The following MACROD2 variants were observed in gnomAD, a reference collection of about 807,000 sequenced individuals.
MACROD2 encodes the protein mono-ADP ribosylhydrolase 2, also known as ADP-ribose glycohydrolase MACROD2.
Under a neutral mutation model 70.4 loss-of-function variants are expected in MACROD2, and 36 were observed. The ratio of observed to expected loss-of-function variants is 0.51; its 90% CI spans 0.39 to 0.68. MACROD2 has a LOEUF of 0.68. Among genes scored for constraint, MACROD2 ranks in the 30% least tolerant of loss-of-function variants. The pLI, the probability that MACROD2 is intolerant of heterozygous loss-of-function variation, is 0.00. For missense variants in MACROD2, 496 were observed against 538.4 expected (o/e 0.92, Z 0.78); for synonymous variants, 172 against 178.8 (o/e 0.96, Z 0.30).
At chr20:15,385,785 G>C (rs781157543) in intron 6 of MACROD2, among the ~76,000 whole-genome samples, 1 of 152,030 alleles carries the variant, frequency 6.6e-6, no homozygotes, top group African/African-American at 2.4e-5. Flanking sequence ...AGCCAACTTC[G>C]TTCTGAATCT....
At chr20:15,916,903 G>C (rs888469410) in intron 10 of MACROD2, among the ~76,000 whole-genome samples, 1 of 152,148 alleles carries the variant, frequency 6.6e-6, no homozygotes, top group Admixed American at 6.5e-5. Context: ...CCCAAAACAG[G>C]GGTCAGTACA....
intron 8 of MACROD2, among the ~76,000 whole-genome samples, chr20:15,568,403 G>T (rs2048336053): frequency 6.6e-6 from 1 of 152,164 alleles, no homozygotes; most frequent in Non-Finnish European, 1.5e-5. Flanking sequence ...TCAGTGACTA[G>T]ACACACAGAG....
chr20:14,892,239 A>G (rs758268712), intron 5 of MACROD2, among the ~76,000 whole-genome samples: 17 of 152,146 alleles, frequency 1.1e-4, no homozygotes, highest in Non-Finnish European at 2.2e-4. Context: ...TGGGAGGCCG[A>G]GGCAGATGGA....
At chr20:15,032,693 A>G (rs1359120056) in intron 5 of MACROD2, among the ~76,000 whole-genome samples, 1 of 152,244 alleles carries the variant, frequency 6.6e-6, no homozygotes, top group African/African-American at 2.4e-5. Context: ...TAAACAAAGA[A>G]TTGCTACATG....
intron 5 of MACROD2, among the ~76,000 whole-genome samples, chr20:14,738,104 C>G (rs1050741932): frequency 7.0e-6 from 1 of 143,470 alleles, no homozygotes; most frequent in African/African-American, 2.6e-5. Context: ...TTTTTCATCT[C>G]TTGAACTGAG....
intron 3 of MACROD2, among the ~76,000 whole-genome samples, chr20:14,246,670 C>G (rs1033651089): frequency 2.0e-5 from 3 of 152,086 alleles, no homozygotes; most frequent in Non-Finnish European, 2.9e-5. Flanking sequence ...TTATAATTTC[C>G]TTTATTTACT....
intron 8 of MACROD2, among the ~76,000 whole-genome samples, chr20:15,712,470 C>T (rs945027430): frequency 1.3e-5 from 2 of 152,168 alleles, no homozygotes; most frequent in Non-Finnish European, 2.9e-5. Flanking sequence ...CTAATTTTTA[C>T]TGATCAGATT....
At chr20:14,170,174 G>C (rs978688016) in intron 3 of MACROD2, among the ~76,000 whole-genome samples, 3 of 152,162 alleles carry the variant, frequency 2.0e-5, no homozygotes. Context: ...TTGCAGGTGT[G>C]AGCCACCACA....
Position 14,327,460 on chromosome 20 carries a change from C to T in MACROD2, c.272-166019C>T, listed in dbSNP as rs755872978. On this transcript the variant is annotated intron_variant, in intron 3 of 17. Transcript: ENST00000684519. ...TAGAGGTGCTACTTGAAGGAACAGCCCAATTTTAGTCCCGATGAGGAAGAT... is the reference window on the plus strand; with the variant it reads ...TAGAGGTGCTACTTGAAGGAACAGCTCAATTTTAGTCCCGATGAGGAAGAT... The T allele has an allele frequency of 1.1e-5, 18 of 1,613,244 alleles. No individual in the cohort carries two copies. In the Middle Eastern group the frequency reaches 1.8e-3, roughly 162 times the overall value.
chr20:15,165,194 G>A (rs1276936813), intron 5 of MACROD2, among the ~76,000 whole-genome samples: 4 of 152,318 alleles, frequency 2.6e-5, no homozygotes, highest in East Asian at 1.9e-4. Context: ...GGTGGCTTAC[G>A]CCTGTAATCC....
chr20:14,498,337 T>C (rs1406924884), intron 4 of MACROD2, among the ~76,000 whole-genome samples: 1 of 152,218 alleles, frequency 6.6e-6, no homozygotes, highest in Non-Finnish European at 1.5e-5. Context: ...CCATGTGCTG[T>C]TATATCATAG....
chr20:15,543,232 G>C (rs375275063), intron 8 of MACROD2, among the ~76,000 whole-genome samples: 1 of 152,164 alleles, frequency 6.6e-6, no homozygotes, highest in Non-Finnish European at 1.5e-5. Context: ...TGTATCAGTT[G>C]TGTGTCCCTG....
At chr20:14,214,586 C>CT (rs11479144) in intron 3 of MACROD2, among the ~76,000 whole-genome samples, 14 of 131,362 alleles carry the variant, frequency 1.1e-4, no homozygotes, top group Admixed American at 2.3e-4. Flanking sequence ...CAGCAATGTT[C>CT]TTTTTTTTTT....
chr20:15,514,527 G>A (rs769024794), intron 8 of MACROD2, among the ~76,000 whole-genome samples: 4 of 152,210 alleles, frequency 2.6e-5, no homozygotes, highest in Non-Finnish European at 5.9e-5. Flanking sequence ...TATAACCTAG[G>A]TGTGTGGTAG....
intron 8 of MACROD2, among the ~76,000 whole-genome samples, chr20:15,797,316 C>T (rs2063683591): frequency 6.6e-6 from 1 of 152,120 alleles, no homozygotes; most frequent in African/African-American, 2.4e-5. Flanking sequence ...GGGGTTTCAC[C>T]GAGTTAGCCA....
chr20:14,574,190 C>T (rs1292825512), intron 4 of MACROD2, among the ~76,000 whole-genome samples: 1 of 152,172 alleles, frequency 6.6e-6, no homozygotes, highest in South Asian at 2.1e-4. Context: ...CCTGTACCAG[C>T]TCAGGCTCTG....
chr20:15,830,870 G>T (rs975328358), intron 8 of MACROD2, among the ~76,000 whole-genome samples: 1 of 152,104 alleles, frequency 6.6e-6, no homozygotes, highest in African/African-American at 2.4e-5. Flanking sequence ...AGATATGTAG[G>T]CGTATATAAC....
intron 3 of MACROD2, among the ~76,000 whole-genome samples, chr20:14,210,830 A>G (rs1404902322): frequency 6.6e-6 from 1 of 152,212 alleles, no homozygotes. Context: ...GGTGCTGTGT[A>G]TCACCTATGA....
intron 12 of MACROD2, among the ~76,000 whole-genome samples, chr20:15,949,333 A>G (rs1379215438): frequency 6.6e-6 from 1 of 152,172 alleles, no homozygotes; most frequent in Non-Finnish European, 1.5e-5. Context: ...TTAAAATCCT[A>G]ACTACCCCAG....
Sources: allele counts gnomAD v4.1 joint callset (sites outside exome capture counted in the v4.1 genomes callset), GRCh38; gene constraint gnomAD v4.1.1; transcripts MANE v1.5; gene names NCBI Gene and HGNC (gene_info 2026-07-23, HGNC 2026-07-21).